Variants in GMCL1 observed in about 807,000 individuals in gnomAD.
The protein encoded by GMCL1 is germ cell-less 1, spermatogenesis associated.
Under a neutral mutation model 75.5 loss-of-function variants are expected in GMCL1, and 54 were observed. The ratio of observed to expected loss-of-function variants is 0.71; its 90% CI spans 0.57 to 0.90. The LOEUF (loss-of-function observed/expected upper bound fraction) is 0.90, where lower values mean the gene tolerates loss of function less well. Among genes scored for constraint, GMCL1 ranks in the 40% least tolerant of loss-of-function variants. The probability of loss-of-function intolerance (pLI) is 0.00; values close to 1 mark genes in which losing one functional copy is unlikely to be tolerated. For synonymous variants in GMCL1, 210 were observed against 209.6 expected (o/e 1.00, Z -0.02); for missense variants, 537 against 622.7 (o/e 0.86, Z 1.47).
At position 69,880,273 on chromosome 2, in the gene GMCL1, T is replaced by A. The variant is rs1027142493; in HGVS notation, c.*1269T>A. 2 of 152,174 alleles carry A rather than the reference T, an allele frequency of 1.3e-5. No individual in the cohort carries two copies. The highest frequency in any genetic ancestry group is 1.9e-4 in the East Asian group (1 of 5,204). The allele number at this position is 152,174 out of a possible 1,614,324, so 9.4% of individuals were successfully genotyped here. A position where few individuals can be genotyped will look rare whatever the true frequency, so the allele number is the denominator to read the frequency against. On this transcript the variant is annotated 3_prime_UTR_variant, in exon 14 of 14. Transcript: ENST00000282570. Reference sequence around the variant, plus strand: ...TTTGGAAAAAGAGTAAGCTCTTACATAAAATGGACCAAAAAATCCCCCTTA... The same window carrying A: ...TTTGGAAAAAGAGTAAGCTCTTACAAAAAATGGACCAAAAAATCCCCCTTA...
At chr2:69,862,237 T>A (rs1306065407) in intron 10 of GMCL1, among the ~76,000 whole-genome samples, 1 of 152,166 alleles carries the variant, frequency 6.6e-6, no homozygotes, top group East Asian at 1.9e-4. Flanking sequence ...ACCTTCAAAG[T>A]TTAATTTTTT....
At chr2:69,845,657 G>C (rs763678598) in intron 6 of GMCL1, among the ~76,000 whole-genome samples, 32 of 152,202 alleles carry the variant, frequency 2.1e-4, no homozygotes, top group Non-Finnish European at 3.7e-4. Context: ...TATATGTAAA[G>C]ATACTCTATT....
intron 11 of GMCL1, among the ~76,000 whole-genome samples, chr2:69,866,508 G>T (rs1014735757): frequency 6.6e-6 from 1 of 151,908 alleles, no homozygotes; most frequent in Non-Finnish European, 1.5e-5. Context: ...TCACTGTGTC[G>T]CCCAGGTTGG....
At chr2:69,872,915 C>T (rs1676022810) in intron 13 of GMCL1, among the ~76,000 whole-genome samples, 1 of 152,188 alleles carries the variant, frequency 6.6e-6, no homozygotes, top group African/African-American at 2.4e-5. Context: ...TAGTTGTATT[C>T]CCATGTTCCT....
In GMCL1 at chr2:69,837,532, C is replaced by A. The variant is rs370841812; in HGVS notation, c.261-15C>A. 1.1e-5 allele frequency: 17 copies of A among 1,483,944 alleles called. No homozygotes were observed. The highest frequency in any genetic ancestry group is 1.5e-5 in the Non-Finnish European group (17 of 1,100,392). 91.9% of individuals were successfully genotyped at this position (1,483,944 alleles called of 1,614,324 possible). On this transcript the variant is annotated splice_polypyrimidine_tract_variant and intron_variant, in intron 1 of 13. Transcript: ENST00000282570. Reference sequence around the variant, plus strand: ...GTTTTATATAAATATGTGACTTTTTCATTTCTTTTAACAGGAAAAAATTAA... The same window carrying A: ...GTTTTATATAAATATGTGACTTTTTAATTTCTTTTAACAGGAAAAAATTAA...
intron 3 of GMCL1, 120 bp downstream of exon 3, chr2:69,839,673 A>G: frequency 3.4e-6 from 2 of 589,892 alleles, no homozygotes; most frequent in Non-Finnish European, 3.1e-6. Flanking sequence ...TATCACCTCA[A>G]GGTGATAATT....
In GMCL1 at chr2:69,871,840, C is replaced by T. The variant is rs777110920; in HGVS notation, c.1452+8C>T. 1.7e-5 allele frequency: 25 copies of T among 1,463,184 alleles called. No individual in the cohort carries two copies. Among genetic ancestry groups the T allele is most frequent in the Middle Eastern group, 3.5e-4 (2 of 5,784 alleles). The allele number at this position is 1,463,184 out of a possible 1,614,324, so 90.6% of individuals were successfully genotyped here. A position where few individuals can be genotyped will look rare whatever the true frequency, so the allele number is the denominator to read the frequency against. On this transcript the variant is annotated splice_region_variant and intron_variant, in intron 13 of 13. Coordinates refer to ENST00000282570, the MANE Select transcript of GMCL1 (RefSeq NM_178439.5). ...ACACTTGAAAAGGATCAGGTATGTT[C>T]GATTATCTTCTGGTATGTCATCATA...
At chr2:69,842,084 G>A (rs1318282806) in intron 4 of GMCL1, among the ~76,000 whole-genome samples, 2 of 152,190 alleles carry the variant, frequency 1.3e-5, no homozygotes, top group Non-Finnish European at 2.9e-5. Flanking sequence ...CAGATGAATT[G>A]AAGGAAAGAT....
rs200699097 is a variant in GMCL1 at position 69,864,881 on chromosome 2, A to G, written c.1143-19A>G. On this transcript the variant is annotated intron_variant, in intron 10 of 13. Coordinates refer to ENST00000282570, the MANE Select transcript of GMCL1 (RefSeq NM_178439.5). Reference sequence around the variant, plus strand: ...TTGCATATTTTCTATGAACGTTCATATTTTATGTATATTTTTAGGCCTCAA... The same window carrying G: ...TTGCATATTTTCTATGAACGTTCATGTTTTATGTATATTTTTAGGCCTCAA... The G allele has an allele frequency of 2.9e-4, 442 of 1,510,090 alleles. 1 individual carries two copies. Among genetic ancestry groups the G allele is most frequent in the Non-Finnish European group, 5.1e-5 (56 of 1,087,652 alleles). 93.5% of individuals were successfully genotyped at this position (1,510,090 alleles called of 1,614,324 possible).
At chr2:69,851,894 T>A (rs1306489377) in intron 8 of GMCL1, among the ~76,000 whole-genome samples, 1 of 152,246 alleles carries the variant, frequency 6.6e-6, no homozygotes, top group Non-Finnish European at 1.5e-5. Context: ...CAGAGCCAGA[T>A]AAATTAATTT....
chr2:69,831,129 G>C (rs1674659366), intron 1 of GMCL1, among the ~76,000 whole-genome samples: 1 of 152,070 alleles, frequency 6.6e-6, no homozygotes, highest in African/African-American at 2.4e-5. Context: ...GTGTTGGCCA[G>C]GCTTGTCTCA....
Position 69,829,858 on chromosome 2 carries a change from T to G in GMCL1, c.-35T>G. ...CGAGCCATGGCGGGAGACCCCCTTC[T>G]CTGGGCTCCCTGAAGTCTCGGGGAG... On this transcript the variant is annotated 5_prime_UTR_variant, in exon 1 of 14. Coordinates refer to ENST00000282570, the MANE Select transcript of GMCL1 (RefSeq NM_178439.5). The G allele has an allele frequency of 6.5e-7, 1 of 1,529,448 alleles. No individual in the cohort carries two copies. The highest frequency in any genetic ancestry group is 8.8e-7 in the Non-Finnish European group (1 of 1,142,434). The allele number at this position is 1,529,448 out of a possible 1,614,324, so 94.7% of individuals were successfully genotyped here.
At chr2:69,850,406 T>C (rs1675283694) in intron 8 of GMCL1, among the ~76,000 whole-genome samples, 1 of 152,246 alleles carries the variant, frequency 6.6e-6, no homozygotes. Flanking sequence ...AGAAAAAGTA[T>C]TTTTTACGGC....
intron 1 of GMCL1, among the ~76,000 whole-genome samples, chr2:69,836,032 G>T (rs1674809263): frequency 6.6e-6 from 1 of 152,278 alleles, no homozygotes; most frequent in South Asian, 2.1e-4. Context: ...CTCAGTATCT[G>T]TACTCTCCTT....
chr2:69,868,824 G>A (rs1675895672), intron 11 of GMCL1, among the ~76,000 whole-genome samples: 1 of 150,970 alleles, frequency 6.6e-6, no homozygotes. Context: ...GCAGTGAAAA[G>A]CCTTATTATT....
At chr2:69,845,310 A>C (rs916540969) in intron 6 of GMCL1, among the ~76,000 whole-genome samples, 2 of 152,212 alleles carry the variant, frequency 1.3e-5, no homozygotes, top group African/African-American at 4.8e-5. Flanking sequence ...CCTGTGGACT[A>C]TGTAGTCCAA....
At chr2:69,847,679 C>T (rs753533852) in intron 7 of GMCL1, 52 bp downstream of exon 7, 10 of 1,052,316 alleles carry the variant, frequency 9.5e-6, no homozygotes, top group Admixed American at 3.9e-5. Context: ...CTCAGCAATG[C>T]GTATAATGGT....
At chr2:69,850,391 TATCTA>T (rs1675282678) in intron 8 of GMCL1, among the ~76,000 whole-genome samples, 1 of 152,226 alleles carries the variant, frequency 6.6e-6, no homozygotes, top group Non-Finnish European at 1.5e-5. Flanking sequence ...TGCTAAAACA[TATCTA>T]GAAAAAGTAT....
At chr2:69,858,886 G>A (rs1428322104) in intron 9 of GMCL1, among the ~76,000 whole-genome samples, 2 of 151,972 alleles carry the variant, frequency 1.3e-5, no homozygotes, top group Admixed American at 6.6e-5. Context: ...GGTGGCTCAC[G>A]CCTGTAATCC....
Sources: allele counts gnomAD v4.1 joint callset (sites outside exome capture counted in the v4.1 genomes callset), GRCh38; gene constraint gnomAD v4.1.1; transcripts MANE v1.5; gene names NCBI Gene and HGNC (gene_info 2026-07-23, HGNC 2026-07-21).